The following EFCAB5 variants were observed in gnomAD, a reference collection of about 807,000 sequenced individuals.
EFCAB5 encodes the protein EF-hand calcium-binding domain-containing protein 5.
EFCAB5 carries 131 observed loss-of-function variants against 167.9 expected under a neutral mutation model. The ratio of observed to expected loss-of-function variants is 0.78; its 90% CI spans 0.68 to 0.90. The LOEUF is 0.90. Ranked by LOEUF, EFCAB5 falls within the 40% of genes least tolerant of loss-of-function variation. EFCAB5 has a pLI of 0.00. For synonymous variants in EFCAB5, 574 were observed against 602.8 expected, an observed-to-expected ratio of 0.95 and a Z score of 0.70; for missense variants, 1,663 against 1,745.2, an observed-to-expected ratio of 0.95 and a Z score of 0.84.
chr17:30,070,373 C>A (rs956045717), intron 14 of EFCAB5, among the ~76,000 whole-genome samples: 1 of 151,958 alleles, frequency 6.6e-6, no homozygotes, highest in South Asian at 2.1e-4. Context: ...TCACAAAATG[C>A]CATGGATAGC....
chr17:29,978,822 G>A (rs569884892), intron 4 of EFCAB5, among the ~76,000 whole-genome samples: 142 of 152,320 alleles, frequency 9.3e-4, no homozygotes, highest in Middle Eastern at 3.4e-3. Context: ...AAGATAATTT[G>A]TCTGTTCATA....
At chr17:29,944,622 G>GTTTTTTTTTTTTTTTT (rs1442294530) in intron 3 of EFCAB5, among the ~76,000 whole-genome samples, 1 of 134,142 alleles carries the variant, frequency 7.5e-6, no homozygotes, top group African/African-American at 2.7e-5. Context: ...TTTCTGTTTT[G>GTTTTTTTTTTTTTTTT]TTTTGTTTTT....
chr17:30,085,768 G>T (rs971779739), intron 18 of EFCAB5, among the ~76,000 whole-genome samples: 2 of 151,172 alleles, frequency 1.3e-5, no homozygotes, highest in Admixed American at 6.6e-5. Flanking sequence ...TTGGAAAGAA[G>T]CTAGAAGTCC....
intron 4 of EFCAB5, among the ~76,000 whole-genome samples, chr17:29,980,458 C>T (rs2068151406): frequency 1.3e-5 from 2 of 152,208 alleles, no homozygotes; most frequent in South Asian, 4.1e-4. Context: ...TGGCACTTGC[C>T]AAAACCACAA....
intron 8 of EFCAB5, among the ~76,000 whole-genome samples, chr17:30,034,966 T>C (rs184522342): frequency 2.2e-3 from 340 of 152,346 alleles, no homozygotes; most frequent in Non-Finnish European, 3.7e-3. Flanking sequence ...TCTTTCATGA[T>C]GGGCTTGTAA....
chr17:29,930,714 G>A (rs1014651346), intron 1 of EFCAB5, among the ~76,000 whole-genome samples: 14 of 151,980 alleles, frequency 9.2e-5, no homozygotes, highest in African/African-American at 2.7e-4. Context: ...CCCCCCTTCC[G>A]TCTATGTTTT....
At chr17:30,022,725 T>C (rs1392662465) in intron 7 of EFCAB5, among the ~76,000 whole-genome samples, 1 of 152,202 alleles carries the variant, frequency 6.6e-6, no homozygotes, top group African/African-American at 2.4e-5. Context: ...TTTGTTTTGT[T>C]TTATAAGTCA....
At chr17:30,094,994 G>A (rs113893967) in intron 22 of EFCAB5, among the ~76,000 whole-genome samples, 14 of 152,068 alleles carry the variant, frequency 9.2e-5, no homozygotes, top group South Asian at 2.1e-4. Flanking sequence ...GATTCATGAC[G>A]TGACCACCCT....
chr17:29,949,397 G>A (rs2067464875), intron 3 of EFCAB5, among the ~76,000 whole-genome samples: 1 of 152,234 alleles, frequency 6.6e-6, no homozygotes, highest in South Asian at 2.1e-4. Context: ...CATATTGGGG[G>A]CAGAGCTTGA....
intron 7 of EFCAB5, among the ~76,000 whole-genome samples, chr17:30,030,942 C>T (rs2151731562): frequency 6.6e-6 from 1 of 152,256 alleles, no homozygotes; most frequent in East Asian, 1.9e-4. Flanking sequence ...CAATAGCATT[C>T]CCACAGCCAG....
At chr17:30,004,787 ATTTTTTT>A (rs60231360) in intron 7 of EFCAB5, among the ~76,000 whole-genome samples, 14 of 115,118 alleles carry the variant, frequency 1.2e-4, no homozygotes, top group Admixed American at 3.8e-4. Context: ...CTCCTGGCTA[ATTTTTTT>A]TTTTTTTTTT....
intron 7 of EFCAB5, among the ~76,000 whole-genome samples, chr17:30,026,363 C>A (rs997259982): frequency 9.2e-5 from 14 of 151,656 alleles, no homozygotes; most frequent in African/African-American, 3.1e-4. Flanking sequence ...GAAAAACAAG[C>A]TGCATTGTCT....
intron 7 of EFCAB5, among the ~76,000 whole-genome samples, chr17:30,010,561 T>C (rs535070055): frequency 6.6e-6 from 1 of 152,258 alleles, no homozygotes; most frequent in African/African-American, 2.4e-5. Flanking sequence ...TGACCAGTGA[T>C]GATGAGCATT....
intron 7 of EFCAB5, among the ~76,000 whole-genome samples, chr17:30,003,582 A>G (rs1375231115): frequency 1.3e-5 from 2 of 151,664 alleles, no homozygotes; most frequent in African/African-American, 2.4e-5. Context: ...AAAAAGAAAA[A>G]AAAAAAAAAA....
intron 14 of EFCAB5, among the ~76,000 whole-genome samples, chr17:30,070,585 G>T (rs1170663853): frequency 6.6e-6 from 1 of 152,180 alleles, no homozygotes; most frequent in Non-Finnish European, 1.5e-5. Flanking sequence ...ATTCATTGGG[G>T]AAGGGAGAGT....
Position 30,096,677 on chromosome 17 carries a change from ATTTTTT to A in EFCAB5, c.4321+3756_4321+3761del, listed in dbSNP as rs71278522. Among the ~76,000 whole-genome samples the A allele has an allele frequency of 6.7e-5, 4 of 60,128 alleles. No individual in the cohort carries two copies. The East Asian group carries it at 1.8e-3, about 27-fold the overall frequency. 39.4% of individuals were successfully genotyped at this position (60,128 alleles called of 152,430 possible). On this transcript the variant is annotated intron_variant, in intron 22 of 22. Coordinates refer to ENST00000394835, the MANE Select transcript of EFCAB5 (RefSeq NM_198529.4). Reference sequence around the variant, plus strand: ...CATATATATATATATATATATATATATTTTTTTTTTTTTTTTTTTTGAGATGGAGTC... The same window carrying A: ...CATATATATATATATATATATATATATTTTTTTTTTTTTTGAGATGGAGTC...
At chr17:29,966,613 A>G (rs1029884438) in intron 3 of EFCAB5, among the ~76,000 whole-genome samples, 2 of 152,186 alleles carry the variant, frequency 1.3e-5, no homozygotes, top group Admixed American at 1.3e-4. Flanking sequence ...GTTACTGTTG[A>G]TGTTAATAAT....
Position 29,942,315 on chromosome 17 carries a change from T to C in EFCAB5, c.105+13T>C, listed in dbSNP as rs1244949621. 2.5e-6 allele frequency: 4 copies of C among 1,568,634 alleles called. No homozygotes were observed. Among genetic ancestry groups the C allele is most frequent in the South Asian group, 1.2e-5 (1 of 83,448 alleles). On this transcript the variant is annotated intron_variant, in intron 2 of 22. Transcript: ENST00000394835. ...AGAGCTTCATGAGGTAGAGTTGGCATGAATAAATCAGATATTAATGCTGGA... is the reference window on the plus strand; with the variant it reads ...AGAGCTTCATGAGGTAGAGTTGGCACGAATAAATCAGATATTAATGCTGGA...
chr17:30,089,497 G>C (rs1477628210), intron 19 of EFCAB5, among the ~76,000 whole-genome samples: 1 of 152,084 alleles, frequency 6.6e-6, no homozygotes, highest in Non-Finnish European at 1.5e-5. Context: ...TGGGGAAAGG[G>C]AAAAGAAAGA....
Sources: gnomAD v4.1 joint callset for allele counts (sites outside exome capture counted in the v4.1 genomes callset) on GRCh38, gnomAD v4.1.1 for gene constraint, MANE v1.5 for transcripts, NCBI Gene and HGNC (gene_info 2026-07-23, HGNC 2026-07-21) for gene names.